Variants in CBL observed in about 807,000 individuals in gnomAD.
CBL encodes Cbl proto-oncogene.
A neutral mutation model predicts 96.9 loss-of-function variants in CBL; 45 were observed. The observed-to-expected ratio is 0.46, with a 90% CI of 0.37 to 0.60. CBL has a LOEUF of 0.60. Among genes scored for constraint, CBL ranks in the 20% least tolerant of loss-of-function variants. The pLI is 0.00. For synonymous variants in CBL, 420 were observed against 426.8 expected (o/e 0.98, Z 0.20); for missense variants, 1,024 against 1,143.5 (o/e 0.90, Z 1.51).
chr11:119,290,253 C>T lies in CBL; in HGVS notation c.2036+2307C>T, dbSNP rs530616781. On this transcript the variant is annotated intron_variant, in intron 12 of 15. Coordinates refer to ENST00000264033, the MANE Select transcript of CBL (RefSeq NM_005188.4). ...TGGAGATGGGGTTTTGCCATGTTGC[C>T]CAGGCTGGTCTCGAACTTCTGGGCT... Among the ~76,000 whole-genome samples, 38 of 152,188 alleles carry T rather than the reference C, an allele frequency of 2.5e-4. No homozygotes were observed. The East Asian group carries it at 7.2e-3, about 29-fold the overall frequency.
intron 1 of CBL, among the ~76,000 whole-genome samples, chr11:119,213,978 C>T (rs1043449958): frequency 6.7e-6 from 1 of 150,112 alleles, no homozygotes; most frequent in African/African-American, 2.5e-5. Context: ...GAGTCTCGCT[C>T]TTTTGCCCCA....
At chr11:119,261,471 C>T (rs1000378448) in intron 2 of CBL, among the ~76,000 whole-genome samples, 1 of 152,112 alleles carries the variant, frequency 6.6e-6, no homozygotes, top group Non-Finnish European at 1.5e-5. Flanking sequence ...TCTATTAGTG[C>T]TGTCTCAGTA....
chr11:119,211,138 G>A (rs909930623), intron 1 of CBL, among the ~76,000 whole-genome samples: 2 of 152,098 alleles, frequency 1.3e-5, no homozygotes, highest in African/African-American at 2.4e-5. Flanking sequence ...TTGGGAGGCC[G>A]AGGCAAGCGG....
rs1414902145 is a variant in CBL, at chr11:119,271,783, A to T, written c.492A>T (p.Glu164Asp). 1.2e-6 allele frequency: 2 copies of T among 1,614,072 alleles called. No individual in the cohort carries two copies. The highest frequency in any genetic ancestry group is 3.3e-5 in the Admixed American group (2 of 60,026). The change falls in exon 3 of 16, where the codon GAA (glutamate) becomes GAT (aspartate). Residue 164 changes from glutamate to aspartate, a missense_variant. Physicochemically the swap from Glu to Asp is conservative, Grantham distance 45. Coordinates refer to ENST00000264033, the MANE Select transcript of CBL (RefSeq NM_005188.4). ...LSLIFSHMLA[E>D]LKGIFPSGLF... ...TCATCTTCAGCCACATGCTGGCAGA[A>T]CTAAAAGGAATCTTTCCAAGTGGAC...
intron 2 of CBL, among the ~76,000 whole-genome samples, chr11:119,253,665 TTAA>T (rs545926429): frequency 2.7e-5 from 4 of 146,354 alleles, no homozygotes; most frequent in East Asian, 2.0e-4. Context: ...AAACTCTGTC[TTAA>T]TAATAATAAT....
intron 2 of CBL, among the ~76,000 whole-genome samples, chr11:119,240,407 T>A (rs908256236): frequency 6.6e-6 from 1 of 152,240 alleles, no homozygotes; most frequent in African/African-American, 2.4e-5. Flanking sequence ...GCCAGGACTC[T>A]GTCTGTTCTC....
intron 2 of CBL, among the ~76,000 whole-genome samples, chr11:119,264,032 G>A (rs1004790983): frequency 1.3e-5 from 2 of 152,160 alleles, no homozygotes; most frequent in African/African-American, 4.8e-5. Context: ...GCAAAAAATT[G>A]TAACCTTATT....
intron 2 of CBL, among the ~76,000 whole-genome samples, chr11:119,233,481 G>A (rs1179904727): frequency 6.6e-6 from 1 of 152,148 alleles, no homozygotes; most frequent in Non-Finnish European, 1.5e-5. Flanking sequence ...TGATCTGCCC[G>A]CTTTGGCCTC....
chr11:119,255,905 A>G (rs187739426), intron 2 of CBL, among the ~76,000 whole-genome samples: 4,361 of 151,804 alleles, frequency 0.029, 98 homozygotes, highest in South Asian at 0.066. Context: ...TATACTTTAA[A>G]AAAAAAAAAA....
At chr11:119,228,630 G>T (rs1565858794) in intron 1 of CBL, among the ~76,000 whole-genome samples, 1 of 151,792 alleles carries the variant, frequency 6.6e-6, no homozygotes, top group Non-Finnish European at 1.5e-5. Flanking sequence ...AGGAAATAGG[G>T]ACAAGGTCTT....
In CBL at chr11:119,302,990, T is replaced by A. The variant is rs999101710; in HGVS notation, c.*3209T>A. ...CTACTGTTAGTATTATTTAACTATTTTGTAGATTTAAAAGATTTCTGGTTA... is the reference window on the plus strand; with the variant it reads ...CTACTGTTAGTATTATTTAACTATTATGTAGATTTAAAAGATTTCTGGTTA... On this transcript the variant is annotated 3_prime_UTR_variant, in exon 16 of 16. Coordinates refer to ENST00000264033, the MANE Select transcript of CBL (RefSeq NM_005188.4). 43 of 228,194 alleles carry A rather than the reference T, an allele frequency of 1.9e-4. No homozygotes were observed. The allele number at this position is 228,194 out of a possible 1,614,324, so 14.1% of individuals were successfully genotyped here. A position where few individuals can be genotyped will look rare whatever the true frequency, so the allele number is the denominator to read the frequency against.
rs2135266156 is a variant in CBL at position 119,232,483 on chromosome 11, A to G, written c.231A>G (p.Leu77=). ...VRLCQNPKLA[L]KNSPPYILDL... The stretch of plus-strand genomic sequence containing the variant: ...TGTGTCAGAACCCAAAGCTGGCGCT[A>G]AAGAATAGCCCACCTTATATCTTAG... Residue 77 remains leucine, a synonymous_variant, in exon 2 of 16, where the codon CTA becomes CTG. Transcript: ENST00000264033. 1 of 1,613,984 alleles carries G rather than the reference A, an allele frequency of 6.2e-7. No homozygotes were observed. Among genetic ancestry groups the G allele is most frequent in the Non-Finnish European group, 8.5e-7 (1 of 1,179,924 alleles).
At chr11:119,282,931 C>T (rs1003047324) in intron 9 of CBL, among the ~76,000 whole-genome samples, 9 of 151,512 alleles carry the variant, frequency 5.9e-5, no homozygotes, top group Non-Finnish European at 1.3e-4. Flanking sequence ...GTGCCTTCCC[C>T]GCGCCCCAAA....
chr11:119,245,830 T>C (rs2135275999), intron 2 of CBL, among the ~76,000 whole-genome samples: 1 of 152,100 alleles, frequency 6.6e-6, no homozygotes, highest in East Asian at 1.9e-4. Context: ...TTTTTAAATT[T>C]TTTTGTGGAG....
At chr11:119,226,268 A>C (rs940576835) in intron 1 of CBL, among the ~76,000 whole-genome samples, 1 of 152,158 alleles carries the variant, frequency 6.6e-6, no homozygotes, top group Non-Finnish European at 1.5e-5. Flanking sequence ...GAGGTCCACT[A>C]TTCTGTCTTT....
chr11:119,232,239 C>T (rs978731959), intron 1 of CBL, among the ~76,000 whole-genome samples: 3 of 152,116 alleles, frequency 2.0e-5, no homozygotes, highest in African/African-American at 4.8e-5. Context: ...GTCTCTCAAA[C>T]GGATTTAAAA....
In CBL at chr11:119,302,544, C is replaced by A; in HGVS notation, c.*2763C>A. ...CCTAGTGGCTAATAAAGTAAAAAAA[C>A]CCACACTACTTTGTTCTCTTTTTCT... On this transcript the variant is annotated 3_prime_UTR_variant, in exon 16 of 16. Transcript: ENST00000264033. 2 of 232,392 alleles carry A rather than the reference C, an allele frequency of 8.6e-6. No individual in the cohort carries two copies. Among genetic ancestry groups the A allele is most frequent in the East Asian group, 6.1e-5 (1 of 16,476 alleles). 14.4% of individuals were successfully genotyped at this position (232,392 alleles called of 1,614,324 possible).
chr11:119,226,812 A>C (rs1565858317), intron 1 of CBL, among the ~76,000 whole-genome samples: 1 of 152,192 alleles, frequency 6.6e-6, no homozygotes, highest in Non-Finnish European at 1.5e-5. Context: ...AAGTACTAAA[A>C]TGTTATTTAG....
At chr11:119,227,678 G>A (rs996542814) in intron 1 of CBL, among the ~76,000 whole-genome samples, 12 of 151,956 alleles carry the variant, frequency 7.9e-5, no homozygotes, top group African/African-American at 2.9e-4. Context: ...AGCCTCCCAA[G>A]TAGCTGGGAT....
Sources: gnomAD v4.1 joint callset for allele counts (sites outside exome capture counted in the v4.1 genomes callset) on GRCh38, gnomAD v4.1.1 for gene constraint, MANE v1.5 for transcripts, NCBI Gene and HGNC (gene_info 2026-07-23, HGNC 2026-07-21) for gene names.